Variants in BAZ2B observed in about 807,000 individuals in gnomAD.
BAZ2B encodes the protein bromodomain adjacent to zinc finger domain 2B, also known as bromodomain adjacent to zinc finger domain protein 2B.
BAZ2B carries 91 observed loss-of-function variants against 246.0 expected under a neutral mutation model. The ratio of observed to expected loss-of-function variants is 0.37; its 90% CI spans 0.31 to 0.44. BAZ2B has a LOEUF of 0.44. Ranked by LOEUF, BAZ2B falls within the 20% of genes least tolerant of loss-of-function variation. The pLI, the probability that BAZ2B is intolerant of heterozygous loss-of-function variation, is 1.00. For missense variants in BAZ2B, 2,332 were observed against 2,533.7 expected (o/e 0.92, Z 1.71); for synonymous variants, 855 against 860.0 (o/e 0.99, Z 0.10).
At chr2:159,506,705 C>G (rs2082365341) in intron 2 of BAZ2B, among the ~76,000 whole-genome samples, 1 of 152,116 alleles carries the variant, frequency 6.6e-6, no homozygotes, top group East Asian at 1.9e-4. Context: ...AATACAGGAC[C>G]AACAAGGGAA....
At chr2:159,558,357 A>G in intron 1 of BAZ2B, among the ~76,000 whole-genome samples, 1 of 152,134 alleles carries the variant, frequency 6.6e-6, no homozygotes, top group East Asian at 1.9e-4. Context: ...CCCAGGTTCA[A>G]GCAATTCTCC....
intron 3 of BAZ2B, among the ~76,000 whole-genome samples, chr2:159,454,710 A>G (rs906441455): frequency 6.6e-6 from 1 of 151,714 alleles, no homozygotes; most frequent in African/African-American, 2.4e-5. Flanking sequence ...TTCTAGTCTA[A>G]TAAAACAATG....
At chr2:159,562,920 A>G (rs899209679) in intron 1 of BAZ2B, among the ~76,000 whole-genome samples, 5 of 152,192 alleles carry the variant, frequency 3.3e-5, no homozygotes, top group African/African-American at 1.2e-4. Context: ...CAAGACAAAC[A>G]TAAGGTAACA....
the BAZ2B span, among the ~76,000 whole-genome samples, chr2:159,654,684 G>C: frequency 6.6e-6 from 1 of 152,130 alleles, no homozygotes; most frequent in Non-Finnish European, 1.5e-5. Flanking sequence ...GTTTTGAAAA[G>C]AAACTACAGG....
chr2:159,355,963 C>G (rs1053783700), intron 27 of BAZ2B, among the ~76,000 whole-genome samples: 6 of 152,216 alleles, frequency 3.9e-5, no homozygotes, highest in Admixed American at 2.6e-4. Context: ...GGCCCAGATA[C>G]TACGCTTTTC....
At chr2:159,513,269 T>C (rs962472204) in intron 2 of BAZ2B, among the ~76,000 whole-genome samples, 2 of 152,238 alleles carry the variant, frequency 1.3e-5, no homozygotes, top group Admixed American at 6.5e-5. Context: ...TGTTTTTACT[T>C]ATTAGATGTT....
chr2:159,706,491 C>T, the BAZ2B span, among the ~76,000 whole-genome samples: 3,240 of 152,268 alleles, frequency 0.021, 35 homozygotes, highest in Non-Finnish European at 0.034. Context: ...GCATGGTCCT[C>T]GATTATTATA....
At chr2:159,566,098 G>A (rs886410538) in intron 1 of BAZ2B, among the ~76,000 whole-genome samples, 8 of 152,070 alleles carry the variant, frequency 5.3e-5, no homozygotes, top group Non-Finnish European at 1.0e-4. Context: ...AGCAACCTCC[G>A]CCTCCCAGGT....
At chr2:159,350,548 T>C (rs1302705947) in intron 27 of BAZ2B, among the ~76,000 whole-genome samples, 191 bp from the exon 28 acceptor site, 1 of 151,840 alleles carries the variant, frequency 6.6e-6, no homozygotes, top group African/African-American at 2.4e-5. Context: ...TATATATATA[T>C]ATATATTTTG....
the BAZ2B span, among the ~76,000 whole-genome samples, chr2:159,705,837 C>T: frequency 6.6e-6 from 1 of 151,870 alleles, no homozygotes; most frequent in African/African-American, 2.4e-5. Flanking sequence ...CTAAACCTAT[C>T]TATGGCAAAA....
intron 2 of BAZ2B, among the ~76,000 whole-genome samples, chr2:159,519,864 T>C (rs2083941836): frequency 1.4e-5 from 2 of 147,664 alleles, no homozygotes; most frequent in Admixed American, 1.4e-4. Context: ...TCGTTGGTGA[T>C]CTTCCTTCTA....
At chr2:159,442,323 A>G (rs2073561910) in intron 6 of BAZ2B, among the ~76,000 whole-genome samples, 2 of 152,312 alleles carry the variant, frequency 1.3e-5, no homozygotes, top group Admixed American at 1.3e-4. Context: ...TGAAAAGGTC[A>G]GCAGACCAGT....
At position 159,382,771 on chromosome 2, in the gene BAZ2B, T is replaced by G; in HGVS notation, c.3793A>C (p.Lys1265Gln). Residue 1265 changes from lysine to glutamine, a missense_variant, in exon 25 of 37, where the codon AAA becomes CAA. This residue lies in a region of BAZ2B where 328 missense variants were observed against 410.4 expected (regional missense o/e 0.80). Transcript: ENST00000392783. The part of the protein sequence containing the change: ...LRIIHAKKTG[K>Q]RDTSGGIDLG... ...TCAATGCCACCTGAAGTGTCTCTTT[T>G]GCCTGTTTTCTTAGCATGAATGATT... 6.2e-7 allele frequency: 1 copy of G among 1,613,732 alleles called. No homozygotes were observed. Among genetic ancestry groups the G allele is most frequent in the Non-Finnish European group, 8.5e-7 (1 of 1,179,818 alleles).
chr2:159,324,687 CACCTG>C, intron 36 of BAZ2B, 119 bp downstream of exon 36: 1 of 290,896 alleles, frequency 3.4e-6, no homozygotes, highest in Non-Finnish European at 6.1e-6. Context: ...CACACACACA[CACCTG>C]CCTCAAAGGC....
intron 27 of BAZ2B, among the ~76,000 whole-genome samples, chr2:159,359,225 A>G (rs550809540): frequency 6.6e-6 from 1 of 152,312 alleles, no homozygotes; most frequent in Admixed American, 6.5e-5. Flanking sequence ...CTAATAAAGG[A>G]GAAAAGAGAG....
chr2:159,444,314 T>C (rs1361294989), intron 6 of BAZ2B: 3 of 152,076 alleles, frequency 2.0e-5, no homozygotes, highest in African/African-American at 7.2e-5. Context: ...GTGGTGTAGG[T>C]TGAAAGGGAA....
At chr2:159,574,366 A>C (rs191113974) in intron 1 of BAZ2B, among the ~76,000 whole-genome samples, 3 of 152,206 alleles carry the variant, frequency 2.0e-5, no homozygotes, top group East Asian at 1.9e-4. Context: ...CAAAACAAAA[A>C]AAACCTAATA....
intron 13 of BAZ2B, among the ~76,000 whole-genome samples, chr2:159,415,056 T>A (rs1179586522): frequency 1.3e-5 from 2 of 152,060 alleles, no homozygotes; most frequent in Admixed American, 6.6e-5. Context: ...AAACTTATGA[T>A]GGGTACAAGG....
intron 36 of BAZ2B, among the ~76,000 whole-genome samples, chr2:159,323,917 G>T (rs1333493256): frequency 2.6e-5 from 4 of 151,700 alleles, no homozygotes; most frequent in East Asian, 3.9e-4. Flanking sequence ...ACTTAGGCAG[G>T]TCCCTTCTGT....
Sources: allele counts gnomAD v4.1 joint callset (sites outside exome capture counted in the v4.1 genomes callset), GRCh38; gene constraint gnomAD v4.1.1; regional missense constraint gnomAD v4.1.1; transcripts MANE v1.5; gene names NCBI Gene and HGNC (gene_info 2026-07-23, HGNC 2026-07-21).